Variants in FBN1 observed in about 807,000 individuals in gnomAD.
The protein encoded by FBN1 is fibrillin-1.
Under a neutral mutation model 365.1 loss-of-function variants are expected in FBN1, and 29 were observed. That is an observed-to-expected ratio of 0.08 (90% confidence interval 0.06 to 0.11). The LOEUF is 0.11. FBN1 is among the 10% of genes least tolerant of loss of function. FBN1 has a pLI of 1.00. For synonymous variants in FBN1, 1,210 were observed against 1,270.5 expected (o/e 0.95, Z 1.01); for missense variants, 2,476 against 3,703.2 (o/e 0.67, Z 8.60).
chr15:48,599,443 C>T (rs2044543409), intron 5 of FBN1, among the ~76,000 whole-genome samples: 1 of 151,742 alleles, frequency 6.6e-6, no homozygotes, highest in Non-Finnish European at 1.5e-5. Context: ...CTAGAAGATA[C>T]TATCTGGAAT....
intron 2 of FBN1, chr15:48,644,386 T>A: frequency 1.5e-6 from 1 of 660,240 alleles, no homozygotes; most frequent in Non-Finnish European, 2.6e-6. Flanking sequence ...GGCCCAAGAT[T>A]CCATTTAACC....
intron 63 of FBN1, among the ~76,000 whole-genome samples, chr15:48,419,020 C>T (rs1028278711): frequency 6.6e-6 from 1 of 152,148 alleles, no homozygotes; most frequent in African/African-American, 2.4e-5. Flanking sequence ...AGTGAACTTC[C>T]AGCCACCTGG....
intron 19 of FBN1, 100 bp from the exon 20 acceptor site, chr15:48,496,325 T>C: frequency 1.3e-6 from 2 of 1,504,416 alleles, no homozygotes; most frequent in Admixed American, 1.7e-5. Context: ...AACGACGTGA[T>C]CAATTCAAGC....
chr15:48,470,836 A>G, intron 35 of FBN1, 80 bp from the exon 36 acceptor site: 1 of 1,468,220 alleles, frequency 6.8e-7, no homozygotes, highest in South Asian at 1.2e-5. Flanking sequence ...TTAGGCAACT[A>G]ATGTAAATAC....
rs59936916 is a variant in FBN1 at position 48,476,139 on chromosome 15, T to C, written c.3965-1489A>G. Reference sequence around the variant, plus strand: ...CCAATTCAGGGATAACAGTGCTAAGTAGGCACAGGAATTCAAGAATGTATG... The same window carrying C: ...CCAATTCAGGGATAACAGTGCTAAGCAGGCACAGGAATTCAAGAATGTATG... On this transcript the variant is annotated intron_variant, in intron 32 of 65. Transcript: ENST00000316623. 0.017 allele frequency among the ~76,000 whole-genome samples: 2,623 copies of C among 152,284 alleles called. 216 individuals carry two copies. The East Asian group carries it at 0.24, about 14-fold the overall frequency.
At chr15:48,417,313 T>G (rs1256437001) in intron 63 of FBN1, among the ~76,000 whole-genome samples, 1 of 152,124 alleles carries the variant, frequency 6.6e-6, no homozygotes, top group South Asian at 2.1e-4. Context: ...TTGTATATAC[T>G]TAGTATATAT....
At chr15:48,627,883 C>T (rs1889914106) in intron 2 of FBN1, among the ~76,000 whole-genome samples, 1 of 152,192 alleles carries the variant, frequency 6.6e-6, no homozygotes, top group African/African-American at 2.4e-5. Flanking sequence ...AGAGCAGGTG[C>T]TAAATGCCAG....
intron 6 of FBN1, among the ~76,000 whole-genome samples, chr15:48,562,317 T>C (rs1427069171): frequency 6.6e-6 from 1 of 152,176 alleles, no homozygotes; most frequent in Non-Finnish European, 1.5e-5. Flanking sequence ...CTGTGATATA[T>C]CTACTTCAGG....
At chr15:48,424,473 A>C (rs182160038) in intron 60 of FBN1, among the ~76,000 whole-genome samples, 125 of 152,330 alleles carry the variant, frequency 8.2e-4, no homozygotes, top group African/African-American at 3.0e-3. Flanking sequence ...TCAGTGGTAC[A>C]CACAGCTGCA....
At chr15:48,513,703 A>G (rs780672235) in intron 12 of FBN1, 35 bp from the exon 13 acceptor site, 5 of 1,612,996 alleles carry the variant, frequency 3.1e-6, no homozygotes, top group East Asian at 2.2e-5. Flanking sequence ...GCAAAATTAC[A>G]TAGCAATACC....
rs1446553296 is a variant in FBN1, at chr15:48,452,800, A to G, written c.5423-116T>C. ...TTTTGATCTGTTCTATTGAAAAGAC[A>G]ACATAGATGTGTACAGCAGCTTTAT... is the stretch of plus-strand genomic sequence containing the variant. On this transcript the variant is annotated intron_variant, in intron 44 of 65. Coordinates refer to ENST00000316623, the MANE Select transcript of FBN1 (RefSeq NM_000138.5). The G allele has an allele frequency of 3.4e-6, 4 of 1,181,078 alleles. No homozygotes were observed. In the East Asian group the frequency reaches 7.4e-5, roughly 22 times the overall value. The allele number at this position is 1,181,078 out of a possible 1,614,324, so 73.2% of individuals were successfully genotyped here.
chr15:48,445,533 A>G, intron 47 of FBN1, 29 bp from the exon 48 acceptor site: 1 of 1,608,330 alleles, frequency 6.2e-7, no homozygotes, highest in Non-Finnish European at 8.5e-7. Context: ...CAATCCTTTA[A>G]TATATTCCAA....
At chr15:48,592,950 G>A (rs56887717) in intron 6 of FBN1, among the ~76,000 whole-genome samples, 2,569 of 152,214 alleles carry the variant, frequency 0.017, 79 homozygotes, top group African/African-American at 0.06. Flanking sequence ...CAATGGTAGT[G>A]GCAATGGTAA....
chr15:48,558,565 G>A (rs1303158213), intron 6 of FBN1, among the ~76,000 whole-genome samples: 2 of 152,088 alleles, frequency 1.3e-5, no homozygotes, highest in Non-Finnish European at 2.9e-5. Flanking sequence ...CTATACCTAA[G>A]AAGTTAGGCA....
chr15:48,586,050 G>A (rs891553797), intron 6 of FBN1, among the ~76,000 whole-genome samples: 3 of 152,110 alleles, frequency 2.0e-5, no homozygotes, highest in Non-Finnish European at 2.9e-5. Context: ...TTTTGACAAG[G>A]TGAATATGCT....
At chr15:48,518,558 G>T (rs1008493000) in intron 10 of FBN1, among the ~76,000 whole-genome samples, 6 of 152,140 alleles carry the variant, frequency 3.9e-5, no homozygotes, top group African/African-American at 1.4e-4. Flanking sequence ...CTTTAAGAAT[G>T]CCATTAAATT....
intron 2 of FBN1, chr15:48,640,933 A>C (rs982978721): frequency 6.6e-6 from 1 of 151,786 alleles, no homozygotes; most frequent in African/African-American, 2.4e-5. Context: ...CTTTTTGCCT[A>C]ATCACCATTT....
intron 6 of FBN1, among the ~76,000 whole-genome samples, chr15:48,548,750 C>A (rs2044117436): frequency 6.6e-6 from 1 of 152,124 alleles, no homozygotes; most frequent in Admixed American, 6.5e-5. Context: ...GTTTAAAATG[C>A]CCCAAGAGGG....
At chr15:48,416,954 T>G (rs1229039452) in intron 63 of FBN1, among the ~76,000 whole-genome samples, 1 of 152,248 alleles carries the variant, frequency 6.6e-6, no homozygotes, top group Non-Finnish European at 1.5e-5. Flanking sequence ...TTTCCTTAGC[T>G]TTCCTAACAA....
Sources: allele counts gnomAD v4.1 joint callset (sites outside exome capture counted in the v4.1 genomes callset), GRCh38; gene constraint gnomAD v4.1.1; transcripts MANE v1.5; gene names NCBI Gene and HGNC (gene_info 2026-07-23, HGNC 2026-07-21).